The following DCLK2 variants were observed in gnomAD, a reference collection of about 807,000 sequenced individuals.
DCLK2 encodes doublecortin like kinase 2.
DCLK2 carries 31 observed loss-of-function variants against 78.4 expected under a neutral mutation model. That is an observed-to-expected ratio of 0.40 (90% confidence interval 0.30 to 0.53). The LOEUF is 0.53. DCLK2 is among the 20% of genes least tolerant of loss of function. DCLK2 has a pLI of 0.61. For missense variants in DCLK2, 872 were observed against 973.7 expected (o/e 0.90, Z 1.39); for synonymous variants, 407 against 374.9 (o/e 1.09, Z -0.99).
intron 14 of DCLK2, 80 bp downstream of exon 14, chr4:150,248,465 C>A (rs2126626622): frequency 2.5e-6 from 3 of 1,217,292 alleles, no homozygotes; most frequent in Non-Finnish European, 3.6e-6. Flanking sequence ...GATGTTTGCA[C>A]ATGCAAAAGT....
intron 1 of DCLK2, among the ~76,000 whole-genome samples, chr4:150,085,884 A>G (rs1729602978): frequency 6.6e-6 from 1 of 152,212 alleles, no homozygotes. Flanking sequence ...ACGGACTAAT[A>G]CAGTCTTCTT....
At chr4:150,207,673 G>A (rs1446506468) in intron 5 of DCLK2, among the ~76,000 whole-genome samples, 1 of 152,212 alleles carries the variant, frequency 6.6e-6, no homozygotes, top group Non-Finnish European at 1.5e-5. Context: ...AGGTGAGCAT[G>A]TAAGAAATAG....
chr4:150,160,031 G>A (rs1374922736), intron 2 of DCLK2, among the ~76,000 whole-genome samples: 2 of 150,298 alleles, frequency 1.3e-5, no homozygotes, highest in African/African-American at 2.5e-5. Flanking sequence ...GTGTGTGTGT[G>A]TGAGACGGGG....
At chr4:150,223,062 T>C (rs1741320642) in intron 7 of DCLK2, among the ~76,000 whole-genome samples, 1 of 152,170 alleles carries the variant, frequency 6.6e-6, no homozygotes, top group South Asian at 2.1e-4. Context: ...TAACTACAGT[T>C]TTTCTGTTTT....
At chr4:150,146,645 A>G (rs958667304) in intron 2 of DCLK2, among the ~76,000 whole-genome samples, 1 of 152,166 alleles carries the variant, frequency 6.6e-6, no homozygotes, top group Non-Finnish European at 1.5e-5. Context: ...CTGTAATAAG[A>G]TCAGATGCCA....
intron 2 of DCLK2, among the ~76,000 whole-genome samples, chr4:150,178,083 A>C (rs532494100): frequency 1.2e-4 from 19 of 152,356 alleles, no homozygotes; most frequent in African/African-American, 4.6e-4. Context: ...AATTACCTTA[A>C]AATGAAAACA....
intron 2 of DCLK2, among the ~76,000 whole-genome samples, chr4:150,173,389 G>A (rs1736697440): frequency 6.6e-6 from 1 of 152,128 alleles, no homozygotes; most frequent in Non-Finnish European, 1.5e-5. Context: ...GTTGTTTGGT[G>A]TCTCGATGTC....
rs1364213176 is a variant in DCLK2 at position 150,195,300 on chromosome 4, ATATAT to A, written c.859+2071_859+2075del. On this transcript the variant is annotated intron_variant, in intron 3 of 15. Coordinates refer to ENST00000296550, the MANE Select transcript of DCLK2 (RefSeq NM_001040260.4). Reference sequence around the variant, plus strand: ...TATATTATATATTATATTATATATTATATATTATATTATATATTATATTATATATT... The same window carrying A: ...TATATTATATATTATATTATATATTATATATTATATATTATATTATATATT... Among the ~76,000 whole-genome samples, 3 of 4,654 alleles carry A rather than the reference ATATAT, an allele frequency of 6.4e-4. 1 individual carries two copies. Among genetic ancestry groups the A allele is most frequent in the African/African-American group, 1.3e-3 (3 of 2,322 alleles). 3.1% of individuals were successfully genotyped at this position (4,654 alleles called of 152,430 possible). A position where few individuals can be genotyped will look rare whatever the true frequency, so the allele number is the denominator to read the frequency against.
chr4:150,232,223 A>G (rs774805909), intron 8 of DCLK2, 114 bp from the exon 9 acceptor site: 230 of 1,324,396 alleles, frequency 1.7e-4, no homozygotes, highest in Middle Eastern at 2.2e-4. Context: ...GCCAAGAGCA[A>G]TGCTTTCTTT....
intron 1 of DCLK2, among the ~76,000 whole-genome samples, chr4:150,090,438 CAAA>C (rs745598084): frequency 3.3e-5 from 5 of 151,952 alleles, no homozygotes; most frequent in Middle Eastern, 3.4e-3. Flanking sequence ...CAAAACAAAA[CAAA>C]ACAAAAAAAC....
intron 5 of DCLK2, among the ~76,000 whole-genome samples, chr4:150,208,147 C>T (rs961489132): frequency 2.6e-5 from 4 of 152,196 alleles, no homozygotes; most frequent in African/African-American, 9.7e-5. Flanking sequence ...GCTCAGGCCT[C>T]AGCCTGGATT....
chr4:150,087,083 C>T, intron 1 of DCLK2, among the ~76,000 whole-genome samples: 1 of 152,086 alleles, frequency 6.6e-6, no homozygotes. Flanking sequence ...TAATTCAATC[C>T]TAATCCCCGG....
At chr4:150,119,547 A>T (rs1309795812) in intron 2 of DCLK2, among the ~76,000 whole-genome samples, 2 of 152,208 alleles carry the variant, frequency 1.3e-5, no homozygotes, top group African/African-American at 4.8e-5. Flanking sequence ...CACGCACTTC[A>T]TTTGTTTTAT....
chr4:150,186,842 G>A (rs1737975877), intron 2 of DCLK2, among the ~76,000 whole-genome samples: 1 of 151,984 alleles, frequency 6.6e-6, no homozygotes, highest in Non-Finnish European at 1.5e-5. Context: ...GCAGTGAGCT[G>A]TGATCGTGCC....
intron 10 of DCLK2, among the ~76,000 whole-genome samples, chr4:150,234,159 C>T (rs1742299193): frequency 6.6e-6 from 1 of 152,182 alleles, no homozygotes; most frequent in South Asian, 2.1e-4. Context: ...GCAGCGTCCT[C>T]TCTTCCAGCA....
intron 2 of DCLK2, among the ~76,000 whole-genome samples, chr4:150,141,948 G>A (rs1204512066): frequency 6.6e-6 from 1 of 152,170 alleles, no homozygotes; most frequent in Non-Finnish European, 1.5e-5. Context: ...ACCCTACTTT[G>A]AAGTTTAATG....
intron 2 of DCLK2, chr4:150,175,309 G>A (rs1293524319): frequency 6.7e-6 from 1 of 148,608 alleles, no homozygotes; most frequent in Non-Finnish European, 1.5e-5. Flanking sequence ...ACCAAGGACG[G>A]TTACCTGTGA....
intron 5 of DCLK2, among the ~76,000 whole-genome samples, chr4:150,210,960 A>AAAAG (rs1217117282): frequency 1.4e-4 from 21 of 151,260 alleles, no homozygotes; most frequent in African/African-American, 4.4e-4. Flanking sequence ...AAAAAAAAAA[A>AAAAG]AAAGAAAGAA....
chr4:150,101,869 A>G (rs1730913308), intron 1 of DCLK2, among the ~76,000 whole-genome samples: 1 of 152,204 alleles, frequency 6.6e-6, no homozygotes, highest in Non-Finnish European at 1.5e-5. Flanking sequence ...TTCTGTAAGA[A>G]GAAAAGTAGC....
Sources: gnomAD v4.1 joint callset for allele counts (sites outside exome capture counted in the v4.1 genomes callset) on GRCh38, gnomAD v4.1.1 for gene constraint, MANE v1.5 for transcripts, NCBI Gene and HGNC (gene_info 2026-07-23, HGNC 2026-07-21) for gene names.